Variants in COL5A2 observed in about 807,000 individuals in gnomAD.
The protein encoded by COL5A2 is collagen alpha-2(V) chain.
In COL5A2, 23 loss-of-function variants were observed where a neutral mutation model predicts 208.2. That is an observed-to-expected ratio of 0.11 (90% CI 0.08 to 0.16). The LOEUF is 0.16. COL5A2 is among the 10% of genes least tolerant of loss of function. The pLI, the probability that COL5A2 is intolerant of heterozygous loss-of-function variation, is 1.00. For synonymous variants in COL5A2, 625 were observed against 628.5 expected (o/e 0.99, Z 0.08); for missense variants, 1,590 against 1,956.4 (o/e 0.81, Z 3.53).
rs763376408 is a variant in COL5A2, at chr2:189,068,837, C to T, written c.1206G>A (p.Gly402=). The change falls in exon 19 of 54, where the codon GGG becomes GGA. Residue 402 remains glycine (G), a synonymous_variant. Transcript: ENST00000374866. The part of the protein sequence containing the change: ...TGARGPEGPQ[G]QRGETGPPGP... ...CTGGGGGCCCAGTTTCACCTCTCTG[C>T]CCCTGAGGACCTTCAGGGCCTCGCG... 2 of 1,613,362 alleles carry T rather than the reference C, an allele frequency of 1.2e-6. No individual in the cohort carries two copies. Among genetic ancestry groups the T allele is most frequent in the Admixed American group, 1.7e-5 (1 of 59,984 alleles).
At chr2:189,155,418 ATCC>A (rs1688226552) in intron 1 of COL5A2, among the ~76,000 whole-genome samples, 1 of 152,198 alleles carries the variant, frequency 6.6e-6, no homozygotes, top group Non-Finnish European at 1.5e-5. Flanking sequence ...TACAAACTGA[ATCC>A]ACTCTGTGTG....
At chr2:189,430,988 A>AGCAATATTTGCTATTCT in the COL5A2 span, among the ~76,000 whole-genome samples, 1 of 152,230 alleles carries the variant, frequency 6.6e-6, no homozygotes, top group Non-Finnish European at 1.5e-5. Flanking sequence ...AGGATCAGGC[A>AGCAATATTTGCTATTCT]GCAATATTTG....
chr2:189,046,726 A>G (rs1289082797), intron 45 of COL5A2, among the ~76,000 whole-genome samples: 3 of 152,132 alleles, frequency 2.0e-5, no homozygotes, highest in Non-Finnish European at 4.4e-5. Flanking sequence ...TGACTGATAA[A>G]TTTATCAACC....
In COL5A2 at chr2:189,060,714, T is replaced by C; in HGVS notation, c.2085+16A>G. ...GCAATGTATAGTGTTGCCATTATTATTATTTAAACACTTACTTGATCACCT... is the reference window on the plus strand; with the variant it reads ...GCAATGTATAGTGTTGCCATTATTACTATTTAAACACTTACTTGATCACCT... On this transcript the variant is annotated intron_variant, in intron 31 of 53. Coordinates refer to ENST00000374866, the MANE Select transcript of COL5A2 (RefSeq NM_000393.5). 6.2e-7 allele frequency: 1 copy of C among 1,605,988 alleles called. No homozygotes were observed. Among genetic ancestry groups the C allele is most frequent in the Middle Eastern group, 1.7e-4 (1 of 6,044 alleles).
At chr2:189,262,479 T>A in the COL5A2 span, among the ~76,000 whole-genome samples, 2 of 152,076 alleles carry the variant, frequency 1.3e-5, no homozygotes, top group African/African-American at 4.8e-5. Context: ...ATTTGTGGGG[T>A]TGGCTGAAAC....
At chr2:189,322,101 C>T in the COL5A2 span, among the ~76,000 whole-genome samples, 11,544 of 152,198 alleles carry the variant, frequency 0.076, 740 homozygotes, top group African/African-American at 0.17. Context: ...GAAATGAAGG[C>T]AGAAATAAAG....
At chr2:189,395,089 A>C in the COL5A2 span, among the ~76,000 whole-genome samples, 2 of 152,206 alleles carry the variant, frequency 1.3e-5, no homozygotes, top group Non-Finnish European at 2.9e-5. Flanking sequence ...AAAACATTTC[A>C]GTCAATAAAA....
At chr2:189,311,639 G>A in the COL5A2 span, 8 of 803,972 alleles carry the variant, frequency 1.0e-5, no homozygotes, top group Admixed American at 7.7e-5. Context: ...CATCTCCAAG[G>A]ACTGGACTGT....
At chr2:189,151,525 T>A (rs960346373) in intron 1 of COL5A2, among the ~76,000 whole-genome samples, 5 of 152,190 alleles carry the variant, frequency 3.3e-5, no homozygotes, top group Admixed American at 6.5e-5. Flanking sequence ...ATGATCTAGA[T>A]AACTGGCAAA....
At chr2:189,344,118 T>TAC in the COL5A2 span, among the ~76,000 whole-genome samples, 2 of 152,158 alleles carry the variant, frequency 1.3e-5, no homozygotes, top group African/African-American at 2.4e-5. Context: ...GAAATGTGTA[T>TAC]ACACACACAT....
At chr2:189,058,308 A>G in intron 33 of COL5A2, 121 bp downstream of exon 33, 2 of 848,238 alleles carry the variant, frequency 2.4e-6, no homozygotes, top group East Asian at 5.3e-5. Context: ...TTGTGGAAGA[A>G]GAAAATGATA....
chr2:189,392,450 T>G, the COL5A2 span, among the ~76,000 whole-genome samples: 2 of 152,174 alleles, frequency 1.3e-5, no homozygotes, highest in African/African-American at 4.8e-5. Context: ...TTTCTTTAAC[T>G]CATAAAATAA....
chr2:189,156,015 A>C (rs1430452006), intron 1 of COL5A2, among the ~76,000 whole-genome samples: 2 of 152,146 alleles, frequency 1.3e-5, no homozygotes, highest in Non-Finnish European at 2.9e-5. Flanking sequence ...TTTTGTCATC[A>C]CATCTTCCGC....
rs533218613 is a variant in COL5A2, at chr2:189,096,514, C to T, written c.456+763G>A. Among the ~76,000 whole-genome samples, 5 of 150,240 alleles carry T rather than the reference C, an allele frequency of 3.3e-5. No homozygotes were observed. The South Asian group carries it at 1.1e-3, about 32-fold the overall frequency. On this transcript the variant is annotated intron_variant, in intron 6 of 53. Transcript: ENST00000374866. ...GCGGGCAACTGTAGTCCCAGCTACT[C>T]GGGAGGCTGAGGCAGGAGAATGGCG... is the stretch of plus-strand genomic sequence containing the variant.
chr2:189,042,833 C>T (rs1685588058), intron 48 of COL5A2, 60 bp from the exon 49 acceptor site: 1 of 1,489,076 alleles, frequency 6.7e-7, no homozygotes, highest in Admixed American at 1.8e-5. Context: ...TTGTGCCATT[C>T]TCAAAAATGT....
the COL5A2 span, among the ~76,000 whole-genome samples, chr2:189,287,870 T>A: frequency 1.3e-5 from 2 of 152,304 alleles, no homozygotes; most frequent in Admixed American, 6.5e-5. Context: ...TTTGGTTTTA[T>A]CTATCTGAAT....
the COL5A2 span, among the ~76,000 whole-genome samples, chr2:189,318,665 A>C: frequency 6.6e-6 from 1 of 152,358 alleles, no homozygotes; most frequent in Admixed American, 6.5e-5. Context: ...ACTTTGAAGC[A>C]CTTAAAAATA....
At chr2:189,366,777 G>C in the COL5A2 span, among the ~76,000 whole-genome samples, 2 of 152,188 alleles carry the variant, frequency 1.3e-5, no homozygotes, top group Non-Finnish European at 2.9e-5. Context: ...TACCACAAGT[G>C]TTAGCTACAT....
the COL5A2 span, among the ~76,000 whole-genome samples, chr2:189,346,671 G>T: frequency 6.6e-6 from 1 of 152,130 alleles, no homozygotes; most frequent in Non-Finnish European, 1.5e-5. Context: ...CCAACAGAGA[G>T]GATTTAATGG....
Sources: allele counts gnomAD v4.1 joint callset (sites outside exome capture counted in the v4.1 genomes callset), GRCh38; gene constraint gnomAD v4.1.1; transcripts MANE v1.5; gene names NCBI Gene and HGNC (gene_info 2026-07-23, HGNC 2026-07-21).